The following SMG6 variants were observed in gnomAD, a reference collection of about 807,000 sequenced individuals.
The protein encoded by SMG6 is SMG6 nonsense mediated mRNA decay factor, also known as telomerase-binding protein EST1A.
SMG6 carries 66 observed loss-of-function variants against 142.2 expected under a neutral mutation model. The observed-to-expected ratio is 0.46, with a 90% CI of 0.38 to 0.57. The LOEUF (loss-of-function observed/expected upper bound fraction) is 0.57, where lower values mean the gene tolerates loss of function less well. Ranked by LOEUF, SMG6 falls within the 20% of genes least tolerant of loss-of-function variation. The pLI is 0.00. For missense variants in SMG6, 1,793 were observed against 1,832.0 expected, an observed-to-expected ratio of 0.98 and a Z score of 0.39; for synonymous variants, 779 against 702.4, an observed-to-expected ratio of 1.11 and a Z score of -1.72.
intron 2 of SMG6, among the ~76,000 whole-genome samples, chr17:2,298,553 C>T (rs1326807506): frequency 6.6e-6 from 1 of 151,790 alleles, no homozygotes; most frequent in Non-Finnish European, 1.5e-5. Context: ...CTCCGTCTCT[C>T]TAAAAATACA....
At chr17:2,114,070 C>T (rs965230862) in intron 13 of SMG6, among the ~76,000 whole-genome samples, 2 of 152,088 alleles carry the variant, frequency 1.3e-5, no homozygotes, top group Non-Finnish European at 1.5e-5. Context: ...GAGTTCAAGA[C>T]CAGCCTGGCC....
chr17:2,114,196 G>C (rs1229689367), intron 13 of SMG6, among the ~76,000 whole-genome samples: 2 of 152,190 alleles, frequency 1.3e-5, no homozygotes, highest in African/African-American at 2.4e-5. Context: ...CTTGAACCCA[G>C]GAGGCAGAGG....
rs558840143 is a variant in SMG6 at position 2,130,091 on chromosome 17, C to T, written c.3357+42567G>A. On this transcript the variant is annotated intron_variant, in intron 13 of 18. Coordinates refer to ENST00000263073, the MANE Select transcript of SMG6 (RefSeq NM_017575.5). The stretch of plus-strand genomic sequence containing the variant: ...TGGCTAACATGGTGAAATCCCGTCT[C>T]TACTAAAAAATACAAAAAATTAGCT... 3.0e-3 allele frequency among the ~76,000 whole-genome samples: 449 copies of T among 151,074 alleles called. 5 individuals carry two copies. The highest frequency in any genetic ancestry group is 0.01 in the African/African-American group (432 of 41,156).
At chr17:2,233,355 T>C (rs532619876) in intron 10 of SMG6, 2 of 152,516 alleles carry the variant, frequency 1.3e-5, no homozygotes, top group East Asian at 3.9e-4. Context: ...AGAAAAATGA[T>C]GGCCCAGATG....
chr17:2,261,089 G>A (rs190649756), intron 8 of SMG6, among the ~76,000 whole-genome samples: 21 of 152,026 alleles, frequency 1.4e-4, no homozygotes, highest in Non-Finnish European at 2.1e-4. Context: ...GGCAGATCAC[G>A]AGGTCAGGAG....
chr17:2,285,153 T>C (rs2074876345), intron 6 of SMG6, among the ~76,000 whole-genome samples: 1 of 150,236 alleles, frequency 6.7e-6, no homozygotes, highest in Admixed American at 6.6e-5. Context: ...TCTCAACACA[T>C]TTTTTTTTTC....
At chr17:2,182,302 C>T (rs1248853561) in intron 12 of SMG6, among the ~76,000 whole-genome samples, 1 of 152,152 alleles carries the variant, frequency 6.6e-6, no homozygotes, top group East Asian at 1.9e-4. Context: ...GCCAGCAGAT[C>T]CGTCAGTTCC....
chr17:2,277,801 T>C (rs1484194339), intron 8 of SMG6, among the ~76,000 whole-genome samples: 1 of 152,184 alleles, frequency 6.6e-6, no homozygotes, highest in East Asian at 1.9e-4. Context: ...TCCAAACATT[T>C]TGTGAGGCAA....
At chr17:2,257,803 A>G (rs2074218138) in intron 8 of SMG6, among the ~76,000 whole-genome samples, 1 of 151,510 alleles carries the variant, frequency 6.6e-6, no homozygotes, top group Non-Finnish European at 1.5e-5. Context: ...CACGAGATCA[A>G]GAGCTCGAGA....
intron 16 of SMG6, 127 bp from the exon 17 acceptor site, chr17:2,065,806 C>T: frequency 1.3e-6 from 1 of 775,910 alleles, no homozygotes; most frequent in South Asian, 1.7e-5. Context: ...CAGGAGTCTT[C>T]CAATGAAACT....
intron 8 of SMG6, among the ~76,000 whole-genome samples, chr17:2,269,979 T>C (rs1436148754): frequency 6.6e-6 from 1 of 152,006 alleles, no homozygotes; most frequent in Non-Finnish European, 1.5e-5. Flanking sequence ...CAGTGAGCTA[T>C]GATGGCGCCC....
At chr17:2,163,219 C>A (rs1326334767) in intron 13 of SMG6, among the ~76,000 whole-genome samples, 1 of 152,096 alleles carries the variant, frequency 6.6e-6, no homozygotes, top group African/African-American at 2.4e-5. Flanking sequence ...CAGGGTCTTG[C>A]TCTGTCACTC....
chr17:2,290,581 C>T (rs1294905934), intron 6 of SMG6, among the ~76,000 whole-genome samples: 2 of 152,090 alleles, frequency 1.3e-5, no homozygotes, highest in East Asian at 3.8e-4. Flanking sequence ...GAAGCATAAC[C>T]CATGAAAGAA....
intron 1 of SMG6, among the ~76,000 whole-genome samples, chr17:2,302,668 G>A (rs1461386858): frequency 3.3e-5 from 5 of 152,212 alleles, no homozygotes; most frequent in South Asian, 4.1e-4. Context: ...TAGGTGTAAG[G>A]AAAAGGGGAA....
Position 2,297,998 on chromosome 17 carries a change from A to C in SMG6, c.1905T>G (p.Asp635Glu), listed in dbSNP as rs2075181324. 6.2e-7 allele frequency: 1 copy of C among 1,613,222 alleles called. No individual in the cohort carries two copies. The highest frequency in any genetic ancestry group is 1.3e-5 in the African/African-American group (1 of 74,946). The change falls in exon 3 of 19, where the codon GAT (aspartate) becomes GAG (glutamate). Residue 635 changes from aspartate to glutamate, a missense_variant. Physicochemically the swap from Asp to Glu is conservative, Grantham distance 45 (BLOSUM62 2). Around this residue, in one of 3 missense-constraint regions of SMG6, gnomAD observed 1,597 missense variants for 1,584.6 expected, o/e 1.01. Coordinates refer to ENST00000263073, the MANE Select transcript of SMG6 (RefSeq NM_017575.5). ...RCILLDIEFS[D>E]NQNVDQILWK... Reference sequence around the variant, plus strand: ...ACAGGATCTGATCCACATTCTGATTATCAGAGAACTCAATATCTAATAGAA... The same window carrying C: ...ACAGGATCTGATCCACATTCTGATTCTCAGAGAACTCAATATCTAATAGAA...
intron 8 of SMG6, among the ~76,000 whole-genome samples, chr17:2,251,032 T>A (rs1490178653): frequency 6.6e-6 from 1 of 151,994 alleles, no homozygotes; most frequent in Non-Finnish European, 1.5e-5. Context: ...CACTGGCCAT[T>A]TATGCTCCCA....
chr17:2,243,600 G>C (rs1342094377), intron 9 of SMG6, among the ~76,000 whole-genome samples: 1 of 152,160 alleles, frequency 6.6e-6, no homozygotes, highest in Non-Finnish European at 1.5e-5. Flanking sequence ...AGAATCACTT[G>C]AACTCAGAGG....
intron 13 of SMG6, among the ~76,000 whole-genome samples, chr17:2,115,121 A>G (rs1448311336): frequency 6.6e-6 from 1 of 152,068 alleles, no homozygotes; most frequent in Non-Finnish European, 1.5e-5. Flanking sequence ...CAGAAGGAAG[A>G]CACAGCTGAG....
chr17:2,299,632 T>C lies in SMG6; in HGVS notation c.1121A>G (p.Asp374Gly), dbSNP rs758955719. Residue 374 changes from aspartate to glycine, a missense_variant, in exon 2 of 19, where the codon GAT (aspartate) becomes GGT (glycine). Transcript: ENST00000263073. This position sits in a 1 kb window ranked among gnomAD's most constrained non-coding sequence, Gnocchi z 4.3. ...CAAGCCTTTGTCAGGCTTTCCTCTA[T>C]CCATATCATCCCTGGCTGACCTCAC... ...PMVRSARDDM[D>G]RGKPDKGLSS... 5 of 1,614,032 alleles carry C rather than the reference T, an allele frequency of 3.1e-6. No individual in the cohort carries two copies. Among genetic ancestry groups the C allele is most frequent in the Admixed American group, 3.3e-5 (2 of 60,002 alleles).
Sources: allele counts gnomAD v4.1 joint callset (sites outside exome capture counted in the v4.1 genomes callset), GRCh38; gene constraint gnomAD v4.1.1; regional missense constraint gnomAD v4.1.1; non-coding constraint Gnocchi (gnomAD v3.1); transcripts MANE v1.5; gene names NCBI Gene and HGNC (gene_info 2026-07-23, HGNC 2026-07-21).